Variants in PRH1 observed in about 807,000 individuals in gnomAD.
The protein encoded by PRH1 is salivary acidic proline-rich phosphoprotein 1/2.
In PRH1, 7 loss-of-function variants were observed where a neutral mutation model predicts 7.9. The observed-to-expected ratio is 0.89, with a 90% CI of 0.50 to 1.67. The LOEUF (loss-of-function observed/expected upper bound fraction) is 1.67. PRH1 is among the 40% of genes most tolerant of loss of function. PRH1 has a pLI of 0.00. For synonymous variants in PRH1, 45 were observed against 80.8 expected, an observed-to-expected ratio of 0.56 and a Z score of 2.38; for missense variants, 109 against 223.6, an observed-to-expected ratio of 0.49 and a Z score of 3.27.
At chr12:10,908,732 T>C (rs1250402651) in intron 2 of PRH1, 2 of 1,613,724 alleles carry the variant, frequency 1.2e-6, no homozygotes, top group Admixed American at 3.3e-5. Flanking sequence ...CAGTAAATGG[T>C]GTTAGACTGA....
chr12:11,144,073 C>A (rs1037223849), intron 1 of PRH1, among the ~76,000 whole-genome samples: 26 of 152,132 alleles, frequency 1.7e-4, no homozygotes, highest in Non-Finnish European at 2.1e-4. Flanking sequence ...GGCCTCCTAC[C>A]AGGAGGTGGT....
intron 2 of PRH1, among the ~76,000 whole-genome samples, chr12:10,901,083 C>T (rs1258301593): frequency 6.6e-6 from 1 of 152,218 alleles, no homozygotes; most frequent in African/African-American, 2.4e-5. Flanking sequence ...ATTCAAAGCA[C>T]CTGCTCACAC....
At chr12:11,009,633 T>C (rs1940980980) in intron 1 of PRH1, among the ~76,000 whole-genome samples, 1 of 151,840 alleles carries the variant, frequency 6.6e-6, no homozygotes, top group South Asian at 2.1e-4. Context: ...CCAACTCTGG[T>C]CAGATAATAG....
chr12:11,065,523 G>A (rs1016854350), intron 1 of PRH1, among the ~76,000 whole-genome samples: 2 of 152,108 alleles, frequency 1.3e-5, no homozygotes, highest in African/African-American at 4.8e-5. Flanking sequence ...ATTCTGGGCA[G>A]TTATCTTCCA....
At chr12:10,891,589 G>C (rs1192305924) in intron 2 of PRH1, 1 of 152,198 alleles carries the variant, frequency 6.6e-6, no homozygotes, top group Non-Finnish European at 1.5e-5. Flanking sequence ...CAGAAGGCCA[G>C]GTCTTTGGGC....
chr12:11,168,907 AC>A (rs1055255532), intron 1 of PRH1, among the ~76,000 whole-genome samples: 15 of 152,300 alleles, frequency 9.8e-5, no homozygotes, highest in Middle Eastern at 3.4e-3. Context: ...ATTGTGAACC[AC>A]CCCCACCTCC....
intron 1 of PRH1, chr12:11,005,888 TG>T (rs1940806220): frequency 6.6e-6 from 1 of 152,148 alleles, no homozygotes. Context: ...AAATATTCCT[TG>T]GGCACTTATT....
At chr12:10,968,743 C>G (rs1938638121) in intron 2 of PRH1, among the ~76,000 whole-genome samples, 9 of 152,350 alleles carry the variant, frequency 5.9e-5, no homozygotes, top group Admixed American at 5.9e-4. Flanking sequence ...GGAGGGAGCA[C>G]ACAGGTGAAC....
chr12:11,052,679 A>G (rs1419528594), intron 1 of PRH1, among the ~76,000 whole-genome samples: 1 of 151,908 alleles, frequency 6.6e-6, no homozygotes, highest in Non-Finnish European at 1.5e-5. Context: ...TGCATTTTCC[A>G]TTTCTTTCTC....
At chr12:11,108,825 C>G (rs1403107571) in intron 1 of PRH1, among the ~76,000 whole-genome samples, 1 of 152,174 alleles carries the variant, frequency 6.6e-6, no homozygotes, top group African/African-American at 2.4e-5. Context: ...CAGAACCATT[C>G]AGTCCCCTGG....
intron 2 of PRH1, among the ~76,000 whole-genome samples, chr12:10,906,055 C>T (rs1174761319): frequency 6.6e-6 from 1 of 152,146 alleles, no homozygotes; most frequent in African/African-American, 2.4e-5. Flanking sequence ...AATGATCATA[C>T]TACTCCTCTC....
intron 1 of PRH1, among the ~76,000 whole-genome samples, chr12:11,008,492 A>G (rs1474751764): frequency 2.0e-5 from 3 of 151,032 alleles, no homozygotes; most frequent in African/African-American, 4.8e-5. Context: ...ACCTTTCTTC[A>G]TATCTCCTGA....
chr12:10,909,041 A>C (rs763548053), intron 2 of PRH1: 1 of 1,613,698 alleles, frequency 6.2e-7, no homozygotes, highest in South Asian at 1.1e-5. Flanking sequence ...TCCAGCTAAA[A>C]ATCATAATTC....
chr12:11,117,994 T>C (rs1455093011), downstream of PRH1, among the ~76,000 whole-genome samples: 3 of 152,156 alleles, frequency 2.0e-5, no homozygotes, highest in African/African-American at 7.2e-5. Flanking sequence ...CCCAGGACAT[T>C]GGTTTGAGCA....
At chr12:11,162,289 T>C (rs1176445679) in intron 1 of PRH1, among the ~76,000 whole-genome samples, 3 of 152,236 alleles carry the variant, frequency 2.0e-5, no homozygotes, top group Admixed American at 6.5e-5. Context: ...GGTTTGTCAC[T>C]GCTATGGCCA....
At chr12:11,169,116 G>A (rs993487003) in intron 1 of PRH1, among the ~76,000 whole-genome samples, 1 of 152,220 alleles carries the variant, frequency 6.6e-6, no homozygotes, top group African/African-American at 2.4e-5. Context: ...GTTAAAGGAA[G>A]CTTCCAATGC....
intron 2 of PRH1, among the ~76,000 whole-genome samples, chr12:10,954,776 C>G (rs1937870492): frequency 6.6e-6 from 1 of 152,156 alleles, no homozygotes; most frequent in Non-Finnish European, 1.5e-5. Context: ...GGCACCTGAC[C>G]TTGATAATCT....
At chr12:10,969,465 G>A (rs1341949233) in intron 2 of PRH1, among the ~76,000 whole-genome samples, 1 of 152,122 alleles carries the variant, frequency 6.6e-6, no homozygotes, top group Non-Finnish European at 1.5e-5. Context: ...GCCCTTTTCT[G>A]TCTAGAATTT....
intron 1 of PRH1, among the ~76,000 whole-genome samples, chr12:11,066,621 A>G (rs1253800643): frequency 4.2e-5 from 1 of 23,938 alleles, no homozygotes; most frequent in Admixed American, 6.4e-4. Context: ...AAAATATATC[A>G]TTTAATGAGA....
Sources: allele counts gnomAD v4.1 joint callset (sites outside exome capture counted in the v4.1 genomes callset), GRCh38; gene constraint gnomAD v4.1.1; transcripts MANE v1.5; gene names NCBI Gene and HGNC (gene_info 2026-07-23, HGNC 2026-07-21).